Variants in TMPRSS15 observed in about 807,000 individuals in gnomAD.
The protein encoded by TMPRSS15 is transmembrane serine protease 15.
TMPRSS15 carries 128 observed loss-of-function variants against 125.3 expected under a neutral mutation model. The observed-to-expected ratio is 1.02, with a 90% CI of 0.89 to 1.18. The LOEUF (loss-of-function observed/expected upper bound fraction) is 1.18. Among genes scored for constraint, TMPRSS15 ranks in the 50% most tolerant of loss-of-function variants. The pLI is 0.00. For missense variants in TMPRSS15, 1,283 were observed against 1,212.7 expected (o/e 1.06, Z -0.86); for synonymous variants, 446 against 423.2 (o/e 1.05, Z -0.66).
intron 16 of TMPRSS15, among the ~76,000 whole-genome samples, chr21:18,321,732 G>T (rs983435314): frequency 6.6e-6 from 1 of 152,122 alleles, no homozygotes; most frequent in African/African-American, 2.4e-5. Context: ...GTCCAATCTC[G>T]CTTTCCCTTA....
chr21:18,371,034 A>G lies in TMPRSS15; in HGVS notation c.664+1159T>C, dbSNP rs542513583. 2.0e-5 allele frequency among the ~76,000 whole-genome samples: 3 copies of G among 152,270 alleles called. No individual in the cohort carries two copies. In the East Asian group the frequency reaches 5.8e-4, roughly 29 times the overall value. On this transcript the variant is annotated intron_variant, in intron 6 of 24. Coordinates refer to ENST00000284885, the MANE Select transcript of TMPRSS15 (RefSeq NM_002772.3). ...TGTGCAGTTAATACTGTTAAATAAA[A>G]CAAAATATCAGTTAGACTTATCCAA...
chr21:18,368,831 T>A (rs555236868), intron 6 of TMPRSS15, among the ~76,000 whole-genome samples: 1 of 152,306 alleles, frequency 6.6e-6, no homozygotes, highest in African/African-American at 2.4e-5. Context: ...TACAGGAGTA[T>A]TGAAGTATTT....
intron 18 of TMPRSS15, among the ~76,000 whole-genome samples, chr21:18,311,941 G>A (rs2075105003): frequency 6.6e-6 from 1 of 152,066 alleles, no homozygotes. Flanking sequence ...ATAATGTATT[G>A]CTTAAGTATT....
chr21:18,451,733 G>A (rs1302690268), intron 1 of TMPRSS15, among the ~76,000 whole-genome samples: 1 of 152,024 alleles, frequency 6.6e-6, no homozygotes, highest in African/African-American at 2.4e-5. Flanking sequence ...CTTCTACTCT[G>A]TTTTCTATAC....
At chr21:18,449,164 A>G (rs2076262147) in intron 1 of TMPRSS15, among the ~76,000 whole-genome samples, 1 of 152,176 alleles carries the variant, frequency 6.6e-6, no homozygotes, top group Non-Finnish European at 1.5e-5. Context: ...TCTCAAATGA[A>G]TTGTGATCTT....
intron 18 of TMPRSS15, among the ~76,000 whole-genome samples, chr21:18,303,702 A>C (rs1465440092): frequency 2.0e-5 from 3 of 152,188 alleles, no homozygotes; most frequent in Non-Finnish European, 4.4e-5. Context: ...TAACAAAATA[A>C]ATACCTATAC....
At chr21:18,423,712 G>A (rs562123983) in intron 1 of TMPRSS15, among the ~76,000 whole-genome samples, 14 of 151,906 alleles carry the variant, frequency 9.2e-5, no homozygotes, top group East Asian at 3.9e-4. Context: ...CACCGCGCCC[G>A]GCCTAAAATA....
At chr21:18,295,677 G>A (rs956994035) in intron 19 of TMPRSS15, among the ~76,000 whole-genome samples, 2 of 152,180 alleles carry the variant, frequency 1.3e-5, no homozygotes, top group Non-Finnish European at 2.9e-5. Flanking sequence ...AACACAGAAT[G>A]ATTTTAGTTG....
intron 13 of TMPRSS15, among the ~76,000 whole-genome samples, chr21:18,334,950 G>A (rs1255444408): frequency 6.6e-6 from 1 of 152,200 alleles, no homozygotes; most frequent in East Asian, 1.9e-4. Flanking sequence ...GAAGGAAGAA[G>A]AGAGTGTACA....
chr21:18,290,305 C>G (rs1020456433), intron 21 of TMPRSS15, among the ~76,000 whole-genome samples: 8 of 150,462 alleles, frequency 5.3e-5, no homozygotes, highest in African/African-American at 1.7e-4. Flanking sequence ...CATAAGCACA[C>G]AAGATCATGT....
intron 3 of TMPRSS15, among the ~76,000 whole-genome samples, chr21:18,387,327 A>T (rs2075952438): frequency 6.6e-6 from 1 of 152,208 alleles, no homozygotes; most frequent in Non-Finnish European, 1.5e-5. Flanking sequence ...GCTTGAGTAT[A>T]ATAGAGCAAA....
chr21:18,462,874 A>G (rs2122953486), intron 1 of TMPRSS15, among the ~76,000 whole-genome samples: 1 of 152,244 alleles, frequency 6.6e-6, no homozygotes, highest in Admixed American at 6.6e-5. Flanking sequence ...CAGAAACTCT[A>G]TAAGCCAGAG....
At chr21:18,427,388 G>A (rs1332084195) in intron 1 of TMPRSS15, among the ~76,000 whole-genome samples, 1 of 152,138 alleles carries the variant, frequency 6.6e-6, no homozygotes, top group Non-Finnish European at 1.5e-5. Flanking sequence ...TTACATTTAA[G>A]GGAATAAAAG....
intron 1 of TMPRSS15, among the ~76,000 whole-genome samples, chr21:18,478,629 T>C (rs1472065075): frequency 6.6e-6 from 1 of 151,990 alleles, no homozygotes; most frequent in Non-Finnish European, 1.5e-5. Context: ...ACTTGTCATG[T>C]CTCTCCAGTC....
At chr21:18,399,188 T>C (rs1351645337) in intron 1 of TMPRSS15, among the ~76,000 whole-genome samples, 1 of 152,092 alleles carries the variant, frequency 6.6e-6, no homozygotes, top group Non-Finnish European at 1.5e-5. Flanking sequence ...GTTTCTTCTT[T>C]TCTGAGATAG....
chr21:18,289,115 G>C (rs2074802595), intron 21 of TMPRSS15, among the ~76,000 whole-genome samples: 1 of 152,090 alleles, frequency 6.6e-6, no homozygotes, highest in African/African-American at 2.4e-5. Flanking sequence ...GGTAATTATG[G>C]TATCAATTAA....
At chr21:18,324,668 T>C (rs922817297) in intron 16 of TMPRSS15, among the ~76,000 whole-genome samples, 18 of 152,162 alleles carry the variant, frequency 1.2e-4, no homozygotes, top group South Asian at 4.1e-4. Context: ...TAACATTTTG[T>C]GTTTTTCTGT....
intron 10 of TMPRSS15, among the ~76,000 whole-genome samples, chr21:18,351,830 C>G (rs1003609859): frequency 2.6e-5 from 4 of 151,822 alleles, no homozygotes; most frequent in African/African-American, 9.7e-5. Flanking sequence ...AAATATAATG[C>G]TATATAATAG....
At chr21:18,338,728 T>G (rs112175137) in intron 13 of TMPRSS15, among the ~76,000 whole-genome samples, 1,889 of 101,720 alleles carry the variant, frequency 0.019, 32 homozygotes, top group African/African-American at 0.073. Flanking sequence ...GAGAGAGAGA[T>G]AAAGAGAGAG....
Sources: gnomAD v4.1 joint callset for allele counts (sites outside exome capture counted in the v4.1 genomes callset) on GRCh38, gnomAD v4.1.1 for gene constraint, MANE v1.5 for transcripts, NCBI Gene and HGNC (gene_info 2026-07-23, HGNC 2026-07-21) for gene names.